Variants in OGA observed in about 807,000 individuals in gnomAD.
OGA encodes protein O-GlcNAcase.
A neutral mutation model predicts 102.0 loss-of-function variants in OGA; 21 were observed. The ratio of observed to expected loss-of-function variants is 0.21; its 90% CI spans 0.15 to 0.30. The LOEUF is 0.30. Among genes scored for constraint, OGA ranks in the 10% least tolerant of loss-of-function variants. OGA has a pLI of 1.00. For synonymous variants in OGA, 408 were observed against 378.2 expected (o/e 1.08, Z -0.91); for missense variants, 765 against 1,107.8 (o/e 0.69, Z 4.39).
At position 101,798,878 on chromosome 10, in the gene OGA, A is replaced by G; in HGVS notation, c.1773T>C (p.Val591=). The G allele has an allele frequency of 6.2e-7, 1 of 1,614,136 alleles. No individual in the cohort carries two copies. Among genetic ancestry groups the G allele is most frequent in the East Asian group, 2.2e-5 (1 of 44,890 alleles). ...EFQWLRANSS[V]VSVNCKGKDS... ...CTTTTCCTTTGCAATTGACACTGACAACACTACTATTTGCTCGAAGCCATT... is the reference window on the plus strand; with the variant it reads ...CTTTTCCTTTGCAATTGACACTGACGACACTACTATTTGCTCGAAGCCATT... The change falls in exon 9 of 16, where the codon GTT becomes GTC. Residue 591 remains valine, a synonymous_variant. Coordinates refer to ENST00000361464, the MANE Select transcript of OGA (RefSeq NM_012215.5).
At chr10:101,809,966 C>T (rs147955268) in intron 4 of OGA, among the ~76,000 whole-genome samples, 2,101 of 150,494 alleles carry the variant, frequency 0.014, 43 homozygotes, top group African/African-American at 0.049. Context: ...TCACTTGAAC[C>T]CGGGAGGCGG....
At chr10:101,812,184 T>C (rs970224677) in intron 3 of OGA, among the ~76,000 whole-genome samples, 3 of 152,220 alleles carry the variant, frequency 2.0e-5, no homozygotes, top group African/African-American at 7.2e-5. Flanking sequence ...CCTCTCTAAT[T>C]TGGCGGTTCA....
chr10:101,797,634 T>G (rs1373793139), intron 10 of OGA: 5 of 437,614 alleles, frequency 1.1e-5, no homozygotes, highest in Non-Finnish European at 2.0e-5. Context: ...AGAAAGCTTG[T>G]GGAGTCACAT....
In OGA at chr10:101,785,550, C is replaced by G. The variant is rs903633389; in HGVS notation, c.*901G>C. On this transcript the variant is annotated 3_prime_UTR_variant, in exon 16 of 16. Coordinates refer to ENST00000361464, the MANE Select transcript of OGA (RefSeq NM_012215.5). ...ATTAAGTCCTACAAAATTAGGCTCTCGTACCCCAAATGGTCATGGCCTACG... is the reference window on the plus strand; with the variant it reads ...ATTAAGTCCTACAAAATTAGGCTCTGGTACCCCAAATGGTCATGGCCTACG... The G allele has an allele frequency of 6.6e-6, 1 of 152,584 alleles. No individual in the cohort carries two copies. The highest frequency in any genetic ancestry group is 2.4e-5 in the African/African-American group (1 of 41,458). The allele number at this position is 152,584 out of a possible 1,614,324, so 9.5% of individuals were successfully genotyped here. A position where few individuals can be genotyped will look rare whatever the true frequency, so the allele number is the denominator to read the frequency against.
At position 101,786,334 on chromosome 10, in the gene OGA, T is replaced by C. The variant is rs11553298; in HGVS notation, c.*117A>G. On this transcript the variant is annotated 3_prime_UTR_variant, in exon 16 of 16. Transcript: ENST00000361464. ...TGAGTTTTACATAGTCTTCTTTGTT[T>C]CGAATCCAATTGGCTGATTTGTTAC... 2.7e-6 allele frequency: 3 copies of C among 1,103,672 alleles called. No homozygotes were observed. Among genetic ancestry groups the C allele is most frequent in the Admixed American group, 2.9e-5 (1 of 33,986 alleles). 68.4% of individuals were successfully genotyped at this position (1,103,672 alleles called of 1,614,324 possible).
chr10:101,799,320 A>G lies in OGA; in HGVS notation c.1331T>C (p.Leu444Ser). The G allele has an allele frequency of 6.2e-7, 1 of 1,614,122 alleles. No individual in the cohort carries two copies. Among genetic ancestry groups the G allele is most frequent in the Non-Finnish European group, 8.5e-7 (1 of 1,180,014 alleles). Residue 444 changes from leucine (L) to serine (S), a missense_variant, in exon 9 of 16, where the codon TTG becomes TCG. This residue lies in a region of OGA where 281 missense variants were observed against 345.8 expected (regional missense o/e 0.81). Coordinates refer to ENST00000361464, the MANE Select transcript of OGA (RefSeq NM_012215.5). ...QEPIMSQGAA[L>S]SGEPTTLTKE... The stretch of plus-strand genomic sequence containing the variant: ...GGTCAGAGTAGTAGGCTCACCACTC[A>G]AGGCTGCTCCCTGGCTCATAATGGG...
intron 1 of OGA, among the ~76,000 whole-genome samples, 172 bp from the exon 2 acceptor site, chr10:101,813,778 T>C (rs1239832206): frequency 6.6e-6 from 1 of 152,240 alleles, no homozygotes; most frequent in Non-Finnish European, 1.5e-5. Flanking sequence ...CTTTGGGTGG[T>C]GACGTTACAA....
Position 101,808,051 on chromosome 10 carries a change from C to A in OGA, c.481-150G>T, listed in dbSNP as rs568083975. On this transcript the variant is annotated intron_variant, in intron 4 of 15. Transcript: ENST00000361464. ...GTTTTTACATTTTCAATTAAAAAAT[C>A]GTAAGTTAAACAGTTTTGGGACCCA... is the stretch of plus-strand genomic sequence containing the variant. 6.6e-5 allele frequency: 50 copies of A among 756,950 alleles called. No homozygotes were observed. In the African/African-American group the frequency reaches 8.6e-4, roughly 13 times the overall value. 46.9% of individuals were successfully genotyped at this position (756,950 alleles called of 1,614,324 possible).
intron 1 of OGA, 149 bp downstream of exon 1, chr10:101,817,675 C>T (rs2065655501): frequency 1.1e-6 from 1 of 902,620 alleles, no homozygotes; most frequent in Non-Finnish European, 1.6e-6. Context: ...ATTCGCCCAA[C>T]ATCTCGTCTC....
At chr10:101,802,355 C>G (rs1407285075) in intron 7 of OGA, among the ~76,000 whole-genome samples, 1 of 152,132 alleles carries the variant, frequency 6.6e-6, no homozygotes, top group Non-Finnish European at 1.5e-5. Context: ...GCCTATAAGC[C>G]TTACCCAACA....
chr10:101,818,066 CCT>C lies in OGA; in HGVS notation c.-46_-45del. ...TGCCACCTCTGCGGGTCCTCCTCGACCTCTGTCCGTTGGGGCACCGGCCCGGA... is the reference window on the plus strand; with the variant it reads ...TGCCACCTCTGCGGGTCCTCCTCGACCTGTCCGTTGGGGCACCGGCCCGGA... On this transcript the variant is annotated 5_prime_UTR_variant, in exon 1 of 16. Coordinates refer to ENST00000361464, the MANE Select transcript of OGA (RefSeq NM_012215.5). 6.6e-7 allele frequency: 1 copy of C among 1,504,650 alleles called. No individual in the cohort carries two copies. Among genetic ancestry groups the C allele is most frequent in the Non-Finnish European group, 8.9e-7 (1 of 1,123,846 alleles). 93.2% of individuals were successfully genotyped at this position (1,504,650 alleles called of 1,614,324 possible). A position where few individuals can be genotyped will look rare whatever the true frequency, so the allele number is the denominator to read the frequency against.
rs2065432496 is a variant in OGA at position 101,803,983 on chromosome 10, G to C, written c.788C>G (p.Ser263Cys). ...AATAATCTTAGAAACCTCTTCGATGGACTCTACTGGAATTTCTTTAGAAAC... is the reference window on the plus strand; with the variant it reads ...AATAATCTTAGAAACCTCTTCGATGCACTCTACTGGAATTTCTTTAGAAAC... The part of the protein sequence containing the change: ...KVVSKEIPVE[S>C]IEEVSKIIKR... The change falls in exon 7 of 16, where the codon TCC (serine) becomes TGC (cysteine). Residue 263 changes from serine to cysteine, a missense_variant. Around this residue, in one of 7 missense-constraint regions of OGA, gnomAD observed 165 missense variants for 249.7 expected, o/e 0.66. Coordinates refer to ENST00000361464, the MANE Select transcript of OGA (RefSeq NM_012215.5). The C allele has an allele frequency of 6.2e-7, 1 of 1,613,008 alleles. No individual in the cohort carries two copies. Among genetic ancestry groups the C allele is most frequent in the African/African-American group, 1.3e-5 (1 of 74,744 alleles).
At chr10:101,802,822 T>C (rs1444552742) in intron 7 of OGA, among the ~76,000 whole-genome samples, 3 of 151,414 alleles carry the variant, frequency 2.0e-5, no homozygotes, top group African/African-American at 7.3e-5. Flanking sequence ...TAAAAATTAG[T>C]AAGCCAATGT....
chr10:101,807,526 A>T (rs1158795192), intron 5 of OGA, among the ~76,000 whole-genome samples: 1 of 152,224 alleles, frequency 6.6e-6, no homozygotes, highest in Non-Finnish European at 1.5e-5. Context: ...AAAAATACAT[A>T]AAAATCTTTT....
chr10:101,791,307 CCTCA>C (rs778288942), intron 13 of OGA, 43 bp downstream of exon 13: 1 of 1,474,970 alleles, frequency 6.8e-7, no homozygotes, highest in Non-Finnish European at 9.5e-7. Flanking sequence ...ACCTGATAAG[CCTCA>C]CTATGAAAGG....
At chr10:101,787,764 CT>C in intron 14 of OGA, 2 of 397,850 alleles carry the variant, frequency 5.0e-6, no homozygotes, top group Non-Finnish European at 9.3e-6. Flanking sequence ...CACGCGCTCT[CT>C]CTCTCTCTCT....
chr10:101,800,656 T>C (rs2065377109), intron 7 of OGA, among the ~76,000 whole-genome samples: 1 of 152,080 alleles, frequency 6.6e-6, no homozygotes, highest in African/African-American at 2.4e-5. Flanking sequence ...TTAGTATCAG[T>C]GGAAGAGTCA....
At chr10:101,805,231 A>C (rs1589834924) in intron 6 of OGA, among the ~76,000 whole-genome samples, 1 of 151,988 alleles carries the variant, frequency 6.6e-6, no homozygotes, top group Admixed American at 6.6e-5. Flanking sequence ...CAGTCTCTCT[A>C]TGTTGTCTAA....
chr10:101,814,182 A>G (rs1440219732), intron 1 of OGA, among the ~76,000 whole-genome samples: 1 of 152,154 alleles, frequency 6.6e-6, no homozygotes, highest in Non-Finnish European at 1.5e-5. Context: ...TACAAAAATT[A>G]GCCAGGTATG....
Sources: allele counts gnomAD v4.1 joint callset (sites outside exome capture counted in the v4.1 genomes callset), GRCh38; gene constraint gnomAD v4.1.1; regional missense constraint gnomAD v4.1.1; transcripts MANE v1.5; gene names NCBI Gene and HGNC (gene_info 2026-07-23, HGNC 2026-07-21).